The following SCFD1 variants were observed in gnomAD, a reference collection of about 807,000 sequenced individuals.
SCFD1 encodes sec1 family domain containing 1, also known as sec1 family domain-containing protein 1.
In SCFD1, 37 loss-of-function variants were observed where a neutral mutation model predicts 103.2. The ratio of observed to expected loss-of-function variants is 0.36; its 90% CI spans 0.28 to 0.47. The LOEUF is 0.47. Among genes scored for constraint, SCFD1 ranks in the 20% least tolerant of loss-of-function variants. The pLI is 1.00. For missense variants in SCFD1, 639 were observed against 761.2 expected, an observed-to-expected ratio of 0.84 and a Z score of 1.89; for synonymous variants, 264 against 245.0, an observed-to-expected ratio of 1.08 and a Z score of -0.73.
chr14:30,663,291 A>G (rs1357729509), intron 10 of SCFD1, among the ~76,000 whole-genome samples: 1 of 152,212 alleles, frequency 6.6e-6, no homozygotes, highest in Non-Finnish European at 1.5e-5. Context: ...GTACTTCACT[A>G]GAAATTCTAG....
intron 5 of SCFD1, among the ~76,000 whole-genome samples, chr14:30,638,648 G>A (rs1594578007): frequency 6.6e-6 from 1 of 151,988 alleles, no homozygotes; most frequent in South Asian, 2.1e-4. Flanking sequence ...TTTTTACTTA[G>A]GAAAGAGGAT....
intron 23 of SCFD1, among the ~76,000 whole-genome samples, chr14:30,725,562 T>C (rs183711034): frequency 2.5e-4 from 38 of 152,344 alleles, no homozygotes; most frequent in Admixed American, 2.3e-3. Context: ...TGAAGTTGTT[T>C]ATCAGCTTAA....
At chr14:30,642,308 C>T (rs184096697) in intron 6 of SCFD1, among the ~76,000 whole-genome samples, 3 of 152,228 alleles carry the variant, frequency 2.0e-5, no homozygotes, top group Admixed American at 1.3e-4. Context: ...GGCTAGTAGT[C>T]TCAAACTCCT....
intron 7 of SCFD1, among the ~76,000 whole-genome samples, chr14:30,646,194 T>C (rs1275861613): frequency 6.6e-6 from 1 of 152,086 alleles, no homozygotes; most frequent in Non-Finnish European, 1.5e-5. Context: ...AGCTAATTTT[T>C]CTATTTTTAC....
intron 15 of SCFD1, among the ~76,000 whole-genome samples, chr14:30,697,861 T>A (rs1594722624): frequency 1.3e-5 from 2 of 152,218 alleles, no homozygotes; most frequent in Non-Finnish European, 2.9e-5. Flanking sequence ...TAAAGAGGCA[T>A]GACAACTGTA....
At chr14:30,636,739 G>C (rs1002266681) in intron 4 of SCFD1, among the ~76,000 whole-genome samples, 1 of 151,874 alleles carries the variant, frequency 6.6e-6, no homozygotes, top group African/African-American at 2.4e-5. Context: ...CTTGTCATAA[G>C]TTTTGTGCTT....
chr14:30,625,085 T>TTTTTA (rs1486419253), intron 1 of SCFD1, among the ~76,000 whole-genome samples: 1 of 152,220 alleles, frequency 6.6e-6, no homozygotes, highest in African/African-American at 2.4e-5. Context: ...TTTTACTTTT[T>TTTTTA]TTTTATTTTA....
chr14:30,679,358 TTAAA>T (rs1316673362), intron 14 of SCFD1, among the ~76,000 whole-genome samples: 3 of 152,176 alleles, frequency 2.0e-5, no homozygotes, highest in Admixed American at 6.5e-5. Context: ...ACATGATGGT[TTAAA>T]TAAATATTGT....
chr14:30,682,172 T>C (rs1165373268), intron 14 of SCFD1, among the ~76,000 whole-genome samples: 1 of 152,174 alleles, frequency 6.6e-6, no homozygotes, highest in Non-Finnish European at 1.5e-5. Context: ...TGTTTGGAAA[T>C]GAAATAACCA....
At chr14:30,683,351 T>C (rs1889649328) in intron 14 of SCFD1, 4 of 585,788 alleles carry the variant, frequency 6.8e-6, no homozygotes, top group Non-Finnish European at 9.3e-6. Context: ...TGGGGAACTC[T>C]AGTGAGAGCT....
At chr14:30,634,937 A>AGGGTGGC (rs1196846164) in intron 4 of SCFD1, 1 of 456,074 alleles carries the variant, frequency 2.2e-6, no homozygotes, top group Admixed American at 2.3e-5. Context: ...ATCAGTTACA[A>AGGGTGGC]GGGTGGCTGC....
rs771029606 is a variant in SCFD1 at position 30,694,862 on chromosome 14, C to A, written c.1332C>A (p.Asp444Glu). 15 of 1,583,002 alleles carry A rather than the reference C, an allele frequency of 9.5e-6. No homozygotes were observed. The highest frequency in any genetic ancestry group is 7.1e-5 in the South Asian group (6 of 84,140). ...LDKSLLDIIS[D>E]PDAGTPEDKM... ...AATCTCTTCTAGATATAATATCAGA[C>A]CCTGATGGTATGTACCAAAAATTTG... The change falls in exon 15 of 25, where the codon GAC becomes GAA. Residue 444 changes from aspartate to glutamate, a missense_variant. Asp to Glu is a conservative substitution (Grantham distance 45). Transcript: ENST00000458591.
intron 10 of SCFD1, among the ~76,000 whole-genome samples, chr14:30,669,379 A>G (rs1888323860): frequency 6.6e-6 from 1 of 152,028 alleles, no homozygotes. Context: ...GTCATGTTTT[A>G]TCTTTCACTA....
chr14:30,698,405 G>T (rs1476764531), intron 15 of SCFD1, among the ~76,000 whole-genome samples: 1 of 152,210 alleles, frequency 6.6e-6, no homozygotes, highest in Non-Finnish European at 1.5e-5. Context: ...TTCTAAGGCA[G>T]TTATTAACAC....
At chr14:30,648,183 C>T (rs6571357) in intron 7 of SCFD1, among the ~76,000 whole-genome samples, 49,491 of 152,002 alleles carry the variant, frequency 0.33, 9,146 homozygotes, top group East Asian at 0.62. Flanking sequence ...AAGAGGGTTA[C>T]GTTTATACAT....
At chr14:30,664,146 C>A (rs1887700844) in intron 10 of SCFD1, among the ~76,000 whole-genome samples, 1 of 152,104 alleles carries the variant, frequency 6.6e-6, no homozygotes, top group Admixed American at 6.5e-5. Flanking sequence ...ACACCTCATA[C>A]ACCCGGGCGC....
chr14:30,706,988 A>G (rs1051348997), intron 18 of SCFD1, among the ~76,000 whole-genome samples: 1 of 152,228 alleles, frequency 6.6e-6, no homozygotes, highest in African/African-American at 2.4e-5. Context: ...AACAAGGATT[A>G]CTTTCTCTTG....
At chr14:30,647,801 C>G (rs960444225) in intron 7 of SCFD1, among the ~76,000 whole-genome samples, 1 of 152,146 alleles carries the variant, frequency 6.6e-6, no homozygotes, top group Non-Finnish European at 1.5e-5. Flanking sequence ...TAGGCATGCT[C>G]TACCACGCCT....
chr14:30,623,789 T>TA (rs1258384279), intron 1 of SCFD1, among the ~76,000 whole-genome samples: 3 of 152,184 alleles, frequency 2.0e-5, no homozygotes, highest in African/African-American at 7.2e-5. Flanking sequence ...ATCTATTTTT[T>TA]ATCAAATTTT....
Sources: allele counts gnomAD v4.1 joint callset (sites outside exome capture counted in the v4.1 genomes callset), GRCh38; gene constraint gnomAD v4.1.1; transcripts MANE v1.5; gene names NCBI Gene and HGNC (gene_info 2026-07-23, HGNC 2026-07-21).